The following ZNF395 variants were observed in gnomAD, a reference collection of about 807,000 sequenced individuals.
ZNF395 encodes the protein zinc finger protein 395.
Under a neutral mutation model 57.7 loss-of-function variants are expected in ZNF395, and 20 were observed. The ratio of observed to expected loss-of-function variants is 0.35; its 90% confidence interval spans 0.24 to 0.50. The LOEUF is 0.50. Among genes scored for constraint, ZNF395 ranks in the 20% least tolerant of loss-of-function variants. The pLI is 0.97. For missense variants in ZNF395, 606 were observed against 671.2 expected (o/e 0.90, Z 1.07); for synonymous variants, 295 against 275.9 (o/e 1.07, Z -0.69).
intron 1 of ZNF395, among the ~76,000 whole-genome samples, chr8:28,367,498 T>A (rs773236406): frequency 6.6e-6 from 1 of 152,268 alleles, no homozygotes; most frequent in Non-Finnish European, 1.5e-5. Context: ...CTGGTCTGAC[T>A]GCACAACAGT....
chr8:28,351,829 T>C, intron 6 of ZNF395, 22 bp from the exon 7 acceptor site: 1 of 1,526,182 alleles, frequency 6.6e-7, no homozygotes, highest in East Asian at 2.3e-5. Flanking sequence ...GGAGATGCGG[T>C]ATAATCAGGG....
intron 1 of ZNF395, among the ~76,000 whole-genome samples, chr8:28,370,657 G>A (rs1358101336): frequency 6.6e-6 from 1 of 152,180 alleles, no homozygotes; most frequent in Non-Finnish European, 1.5e-5. Context: ...GACAGCAGCT[G>A]GCACATACTC....
At chr8:28,375,619 C>A (rs1474922284) in intron 1 of ZNF395, among the ~76,000 whole-genome samples, 1 of 152,040 alleles carries the variant, frequency 6.6e-6, no homozygotes, top group East Asian at 1.9e-4. Context: ...GTAAATTACA[C>A]CTCAATTTAA....
rs894237333 is a variant in ZNF395 at position 28,347,986 on chromosome 8, A to G, written c.*733T>C. On this transcript the variant is annotated 3_prime_UTR_variant, in exon 10 of 10. Transcript: ENST00000344423. ...TTTAACTGCCACATTCCAAAAAGTG[A>G]ATTCTGATCAGCCTTTTGGCTCAGC... The G allele has an allele frequency of 6.6e-6, 1 of 152,194 alleles. No individual in the cohort carries two copies. Among genetic ancestry groups the G allele is most frequent in the Non-Finnish European group, 1.5e-5 (1 of 68,044 alleles). The allele number at this position is 152,194 out of a possible 1,614,324, so 9.4% of individuals were successfully genotyped here.
rs987833909 is a variant in ZNF395, at chr8:28,353,290, G to A, written c.702C>T (p.His234=). 6.2e-7 allele frequency: 1 copy of A among 1,609,276 alleles called. No homozygotes were observed. Among genetic ancestry groups the A allele is most frequent in the Non-Finnish European group, 8.5e-7 (1 of 1,177,744 alleles). ...CCAAATACTTGGGGCTGGCCTGGGG[G>A]TGGGGGGGCGAGGGGGTGGAGACAC... The part of the protein sequence containing the change: ...SSGVSTPSPP[H]PQASPKYLGD... The change falls in exon 5 of 10, where the codon CAC becomes CAT. Residue 234 remains histidine (H), a synonymous_variant. Coordinates refer to ENST00000344423, the MANE Select transcript of ZNF395 (RefSeq NM_018660.3).
At chr8:28,362,298 G>A (rs543449157) in intron 1 of ZNF395, among the ~76,000 whole-genome samples, 8 of 152,274 alleles carry the variant, frequency 5.3e-5, no homozygotes, top group Admixed American at 3.3e-4. Flanking sequence ...AGAAGGGGAC[G>A]AGTCAGACCC....
chr8:28,350,789 T>C (rs1414915995), intron 7 of ZNF395, among the ~76,000 whole-genome samples: 1 of 152,192 alleles, frequency 6.6e-6, no homozygotes, highest in African/African-American at 2.4e-5. Flanking sequence ...ACTGATAAAA[T>C]AGGCACAAAA....
intron 9 of ZNF395, 110 bp from the exon 10 acceptor site, chr8:28,348,940 A>G: frequency 7.8e-7 from 1 of 1,284,900 alleles, no homozygotes; most frequent in African/African-American, 1.5e-5. Context: ...GCTCCCGGCA[A>G]AAGTCACCAG....
chr8:28,374,078 G>A (rs1802009156), intron 1 of ZNF395, among the ~76,000 whole-genome samples: 1 of 152,188 alleles, frequency 6.6e-6, no homozygotes, highest in Admixed American at 6.5e-5. Flanking sequence ...TGACTGAAGT[G>A]CCCATGAATT....
chr8:28,349,806 T>C (rs1563335567), intron 8 of ZNF395, among the ~76,000 whole-genome samples: 1 of 152,236 alleles, frequency 6.6e-6, no homozygotes, highest in Non-Finnish European at 1.5e-5. Flanking sequence ...CTGGTGATTT[T>C]CTTGGCAAGA....
chr8:28,353,112 T>G, intron 5 of ZNF395, 61 bp downstream of exon 5: 3 of 1,550,316 alleles, frequency 1.9e-6, no homozygotes, highest in Non-Finnish European at 1.8e-6. Flanking sequence ...CACGGCTGGC[T>G]GTCCCCACAC....
At chr8:28,354,678 C>T (rs889992549) in intron 4 of ZNF395, among the ~76,000 whole-genome samples, 1 of 152,190 alleles carries the variant, frequency 6.6e-6, no homozygotes, top group African/African-American at 2.4e-5. Context: ...TCATGTCTCA[C>T]AGCTATCACT....
In ZNF395 at chr8:28,359,897, G is replaced by A. The variant is rs549701550; in HGVS notation, c.241-73C>T. ...GCCCTGAAGTTCTCATGCACCCCAC[G>A]TCCCAGGAGCCAGGATCTGCCTGCC... On this transcript the variant is annotated intron_variant, in intron 2 of 9. Coordinates refer to ENST00000344423, the MANE Select transcript of ZNF395 (RefSeq NM_018660.3). This position sits in a 1 kb window ranked among gnomAD's most constrained non-coding sequence, Gnocchi z 4.7. 5.6e-5 allele frequency: 86 copies of A among 1,534,804 alleles called. No homozygotes were observed. The highest frequency in any genetic ancestry group is 3.4e-4 in the African/African-American group (25 of 73,420).
rs1802036237 is a variant in ZNF395 at position 28,375,988 on chromosome 8, TTTTTCTTTTTA to T, written c.-59+10394_-59+10404del. On this transcript the variant is annotated intron_variant, in intron 1 of 9. Transcript: ENST00000344423. ...CTGACAACTGGTTTTTTGTGTTTTG[TTTTTCTTTTTA>T]TTTTCTTTTTGTTGCCCAGGCTGGA... is the stretch of plus-strand genomic sequence containing the variant. Among the ~76,000 whole-genome samples, 3 of 152,272 alleles carry T rather than the reference TTTTTCTTTTTA, an allele frequency of 2.0e-5. No individual in the cohort carries two copies. The South Asian group carries it at 6.2e-4, about 32-fold the overall frequency.
chr8:28,357,186 C>G (rs1484983028), intron 3 of ZNF395, among the ~76,000 whole-genome samples: 1 of 152,146 alleles, frequency 6.6e-6, no homozygotes, highest in Non-Finnish European at 1.5e-5. Flanking sequence ...AAGATGCCCA[C>G]TGGAATTCAA....
intron 1 of ZNF395, among the ~76,000 whole-genome samples, chr8:28,384,316 C>A (rs1383596746): frequency 6.6e-6 from 1 of 152,226 alleles, no homozygotes; most frequent in East Asian, 1.9e-4. Flanking sequence ...AGGATACATT[C>A]CCTGGTATGG....
At chr8:28,349,369 G>A (rs1332379227) in intron 8 of ZNF395, 141 bp from the exon 9 acceptor site, 2 of 544,012 alleles carry the variant, frequency 3.7e-6, no homozygotes, top group East Asian at 3.4e-5. Flanking sequence ...TCCAGCCGAG[G>A]GGAGCTCTTG....
At position 28,349,081 on chromosome 8, in the gene ZNF395, G is replaced by A. The variant is rs200532174; in HGVS notation, c.1430+44C>T. 198 of 1,536,182 alleles carry A rather than the reference G, an allele frequency of 1.3e-4. 1 individual carries two copies. In the East Asian group the frequency reaches 2.8e-3, roughly 22 times the overall value. Reference sequence around the variant, plus strand: ...GTCGGAGTCCACGCCACTGGAGACAGGGCACAGAAACCAGAAGGCAGGGGA... The same window carrying A: ...GTCGGAGTCCACGCCACTGGAGACAAGGCACAGAAACCAGAAGGCAGGGGA... On this transcript the variant is annotated intron_variant, in intron 9 of 9. Transcript: ENST00000344423.
intron 1 of ZNF395, among the ~76,000 whole-genome samples, chr8:28,385,631 G>GGGGCGCGGGAGGGCC (rs970776129): frequency 7.4e-5 from 11 of 149,412 alleles, no homozygotes; most frequent in East Asian, 2.0e-4. Context: ...AGAAACGCGC[G>GGGGCGCGGGAGGGCC]GGGCGCGGGA....
Sources: allele counts gnomAD v4.1 joint callset (sites outside exome capture counted in the v4.1 genomes callset), GRCh38; gene constraint gnomAD v4.1.1; non-coding constraint Gnocchi (gnomAD v3.1); transcripts MANE v1.5; gene names NCBI Gene and HGNC (gene_info 2026-07-23, HGNC 2026-07-21).